H6PD: variants seen among roughly 807,000 people sequenced by gnomAD.
H6PD encodes hexose-6-phosphate dehydrogenase/glucose 1-dehydrogenase, also known as GDH/6PGL endoplasmic bifunctional protein.
A neutral mutation model predicts 61.2 loss-of-function variants in H6PD; 48 were observed. The observed-to-expected ratio is 0.78, with a 90% CI of 0.62 to 1.00. The LOEUF is 1.00. Among genes scored for constraint, H6PD ranks in the 50% least tolerant of loss-of-function variants. The pLI is 0.00. For missense variants in H6PD, 1,093 were observed against 1,065.0 expected (o/e 1.03, Z -0.37); for synonymous variants, 480 against 457.9 (o/e 1.05, Z -0.62).
chr1:9,250,247 T>A (rs1048381406), intron 3 of H6PD, among the ~76,000 whole-genome samples: 3 of 152,182 alleles, frequency 2.0e-5, no homozygotes, highest in Admixed American at 2.0e-4. Flanking sequence ...CTTGGTGGAC[T>A]TGGCAGGCGA....
chr1:9,256,624 G>A (rs991987469), intron 3 of H6PD, among the ~76,000 whole-genome samples: 1 of 152,180 alleles, frequency 6.6e-6, no homozygotes, highest in Non-Finnish European at 1.5e-5. Flanking sequence ...AGCATGCTGG[G>A]CTCAGCAGGC....
intron 3 of H6PD, among the ~76,000 whole-genome samples, chr1:9,249,407 G>A (rs1362406432): frequency 6.6e-6 from 1 of 152,212 alleles, no homozygotes; most frequent in Non-Finnish European, 1.5e-5. Context: ...TGCCGGGACA[G>A]TCTGAGGATG....
In H6PD at chr1:9,264,445, T is replaced by G. The variant is rs747430471; in HGVS notation, c.1952T>G (p.Ile651Ser). 42 of 1,613,046 alleles carry G rather than the reference T, an allele frequency of 2.6e-5. 1 individual carries two copies. The Middle Eastern group carries it at 4.3e-3, about 164-fold the overall frequency. Residue 651 changes from isoleucine (I) to serine (S), a missense_variant, in exon 5 of 5, where the codon ATC (isoleucine) becomes AGC (serine). Ile to Ser is a moderately radical substitution (Grantham distance 142). Coordinates refer to ENST00000377403, the MANE Select transcript of H6PD (RefSeq NM_004285.4). ...CACGTCCGGATCCCCTACTACAACATCCACCCCATGCCTGTGCACCTGCAG... is the reference window on the plus strand; with the variant it reads ...CACGTCCGGATCCCCTACTACAACAGCCACCCCATGCCTGTGCACCTGCAG... The part of the protein sequence containing the change: ...LQHVRIPYYN[I>S]HPMPVHLQQR...
At chr1:9,258,983 GT>G (rs1225801114) in intron 3 of H6PD, among the ~76,000 whole-genome samples, 1 of 152,072 alleles carries the variant, frequency 6.6e-6, no homozygotes, top group African/African-American at 2.4e-5. Context: ...TTACACTGAT[GT>G]TTTTTGTTTG....
intron 3 of H6PD, among the ~76,000 whole-genome samples, chr1:9,249,563 C>T (rs1241711583): frequency 6.6e-6 from 1 of 152,172 alleles, no homozygotes; most frequent in Non-Finnish European, 1.5e-5. Flanking sequence ...GGAGGGTCCG[C>T]CGCTCCTAAG....
rs759114595 is a variant in H6PD at position 9,245,630 on chromosome 1, C to T, written c.627+69C>T. On this transcript the variant is annotated intron_variant, in intron 2 of 4. Transcript: ENST00000377403. The surrounding 1 kb of genome is among the most constrained non-coding windows in gnomAD (Gnocchi z 4.8). Reference sequence around the variant, plus strand: ...CGCTGGTAGACCCCAGCAACAAAGCCGCTCGCTCATTGTGGAGCTAGGCCC... The same window carrying T: ...CGCTGGTAGACCCCAGCAACAAAGCTGCTCGCTCATTGTGGAGCTAGGCCC... 45 of 1,480,142 alleles carry T rather than the reference C, an allele frequency of 3.0e-5. No individual in the cohort carries two copies. Among genetic ancestry groups the T allele is most frequent in the Admixed American group, 1.0e-4 (6 of 57,766 alleles). 91.7% of individuals were successfully genotyped at this position (1,480,142 alleles called of 1,614,324 possible).
chr1:9,263,797 G>GGCTC lies in H6PD; in HGVS notation c.1305_1308dup (p.Arg437AlafsTer61). 1 of 1,613,948 alleles carries GGCTC rather than the reference G, an allele frequency of 6.2e-7. No individual in the cohort carries two copies. On this transcript the variant is annotated frameshift_variant, in exon 5 of 5. Coordinates refer to ENST00000377403, the MANE Select transcript of H6PD (RefSeq NM_004285.4). LOFTEE classifies it high-confidence loss of function. Reference sequence around the variant, plus strand: ...TGGAAGGAAATGGAGGGACCACCTGGGCTCCGCCTTTTCGGCAGCCCTCTG... The same window carrying GGCTC: ...TGGAAGGAAATGGAGGGACCACCTGGGCTCGCTCCGCCTTTTCGGCAGCCCTCTG...
chr1:9,264,394 AG>A lies in H6PD; in HGVS notation c.1904del (p.Gly635AlafsTer84). 6.2e-7 allele frequency: 1 copy of A among 1,612,880 alleles called. No individual in the cohort carries two copies. The highest frequency in any genetic ancestry group is 8.5e-7 in the Non-Finnish European group (1 of 1,179,894). On this transcript the variant is annotated frameshift_variant, in exon 5 of 5. Coordinates refer to ENST00000377403, the MANE Select transcript of H6PD (RefSeq NM_004285.4). LOFTEE classifies it high-confidence loss of function. ...CTCTCAGACCCGGAGTCCAACTTCC[AG>A]GGCCTGCAGGCCCACCTGCTGCAGC... ...VPLSDPESNF[Q>X]GLQAHLLQHV... is the part of the protein sequence containing the mutation.
chr1:9,264,580 A>G lies in H6PD; in HGVS notation c.2087A>G (p.Asp696Gly). Reference protein sequence around the residue: ...FDLVLLGMGADGHTASLFPQS... With the variant: ...FDLVLLGMGAGGHTASLFPQS... ...CTGGTGCTGCTGGGCATGGGTGCCG[A>G]CGGGCACACAGCCTCCCTCTTCCCA... Residue 696 changes from aspartate (D) to glycine (G), a missense_variant, in exon 5 of 5, where the codon GAC becomes GGC. Transcript: ENST00000377403. 1 of 1,613,224 alleles carries G rather than the reference A, an allele frequency of 6.2e-7. No individual in the cohort carries two copies. Among genetic ancestry groups the G allele is most frequent in the Non-Finnish European group, 8.5e-7 (1 of 1,179,952 alleles).
intron 1 of H6PD, chr1:9,243,010 T>C (rs781065093): frequency 2.0e-5 from 20 of 978,358 alleles, no homozygotes; most frequent in Non-Finnish European, 2.3e-5. Context: ...ACAGGGAGAG[T>C]GGGAGAGGAA....
At position 9,267,473 on chromosome 1, in the gene H6PD, C is replaced by G. The variant is rs1266381938; in HGVS notation, c.*2604C>G. The G allele has an allele frequency of 2.0e-5, 3 of 152,398 alleles. No individual in the cohort carries two copies. Among genetic ancestry groups the G allele is most frequent in the Non-Finnish European group, 4.4e-5 (3 of 68,082 alleles). 9.4% of individuals were successfully genotyped at this position (152,398 alleles called of 1,614,324 possible). On this transcript the variant is annotated 3_prime_UTR_variant, in exon 5 of 5. Transcript: ENST00000377403. ...AAGGGGCCTCCACATGCCCAAGTAC[C>G]CCTGCAGGATGAAGGGCAGGCCGGC...
At chr1:9,243,866 G>GCGT (rs145739553) in intron 1 of H6PD, among the ~76,000 whole-genome samples, 1,127 of 100,726 alleles carry the variant, frequency 0.011, 15 homozygotes, top group African/African-American at 0.055. Context: ...TGAGGAAGAG[G>GCGT]CGGGGGCGGT....
chr1:9,250,188 C>T (rs748773535), intron 3 of H6PD, among the ~76,000 whole-genome samples: 2 of 152,174 alleles, frequency 1.3e-5, no homozygotes. Flanking sequence ...ACTGCTGTCC[C>T]GGGTGAGGGC....
chr1:9,238,378 C>T (rs1010996863), intron 1 of H6PD, among the ~76,000 whole-genome samples: 2 of 152,212 alleles, frequency 1.3e-5, no homozygotes, highest in African/African-American at 4.8e-5. Flanking sequence ...GTCACTCTGA[C>T]TGCCGTGTTG....
intron 1 of H6PD, among the ~76,000 whole-genome samples, chr1:9,238,348 C>G (rs1031355010): frequency 6.6e-6 from 1 of 152,148 alleles, no homozygotes; most frequent in African/African-American, 2.4e-5. Context: ...ATGGCATGAT[C>G]CAGCTGGAGC....
At chr1:9,237,623 A>G (rs185699291) in intron 1 of H6PD, among the ~76,000 whole-genome samples, 58 of 152,304 alleles carry the variant, frequency 3.8e-4, no homozygotes, top group African/African-American at 1.3e-3. Flanking sequence ...GGTTGTGGCA[A>G]GATTTAAATG....
intron 3 of H6PD, among the ~76,000 whole-genome samples, chr1:9,259,414 C>CAACT (rs1337600090): frequency 1.3e-5 from 2 of 151,966 alleles, no homozygotes; most frequent in Admixed American, 6.5e-5. Flanking sequence ...GGTGTTACAA[C>CAACT]AACTTGTTGT....
At chr1:9,240,393 A>G (rs534943955) in intron 1 of H6PD, among the ~76,000 whole-genome samples, 2 of 152,306 alleles carry the variant, frequency 1.3e-5, no homozygotes, top group South Asian at 2.1e-4. Flanking sequence ...TTTGCCTTAT[A>G]GAAAAGTGGA....
rs1638683499 is a variant in H6PD at position 9,269,550 on chromosome 1, C to G, written c.*4681C>G. The stretch of plus-strand genomic sequence containing the variant: ...GTAATAATCCTGCCTGCTTTTACCT[C>G]TCGTCCACTGACCAGCAAGTGTGAG... On this transcript the variant is annotated 3_prime_UTR_variant, in exon 5 of 5. Transcript: ENST00000377403. This position sits in a 1 kb window ranked among gnomAD's most constrained non-coding sequence, Gnocchi z 4.3. The G allele has an allele frequency of 6.6e-6, 1 of 152,266 alleles. No homozygotes were observed. The highest frequency in any genetic ancestry group is 1.5e-5 in the Non-Finnish European group (1 of 68,060). The allele number at this position is 152,266 out of a possible 1,614,324, so 9.4% of individuals were successfully genotyped here. A position where few individuals can be genotyped will look rare whatever the true frequency, so the allele number is the denominator to read the frequency against.
Sources: gnomAD v4.1 joint callset for allele counts (sites outside exome capture counted in the v4.1 genomes callset) on GRCh38, gnomAD v4.1.1 for gene constraint, Gnocchi (gnomAD v3.1) non-coding constraint, MANE v1.5 for transcripts, NCBI Gene and HGNC (gene_info 2026-07-23, HGNC 2026-07-21) for gene names.